SORCS3: variants seen among roughly 807,000 people sequenced by gnomAD.
SORCS3 encodes VPS10 domain-containing receptor SorCS3.
A neutral mutation model predicts 146.3 loss-of-function variants in SORCS3; 57 were observed. That is an observed-to-expected ratio of 0.39 (90% CI 0.31 to 0.49). The LOEUF is 0.49. Among genes scored for constraint, SORCS3 ranks in the 20% least tolerant of loss-of-function variants. The pLI, the probability that SORCS3 is intolerant of heterozygous loss-of-function variation, is 0.92. For synonymous variants in SORCS3, 653 were observed against 618.5 expected (o/e 1.06, Z -0.83); for missense variants, 1,341 against 1,575.5 (o/e 0.85, Z 2.52).
chr10:104,913,364 T>C (rs985015675), intron 2 of SORCS3, among the ~76,000 whole-genome samples: 1 of 152,166 alleles, frequency 6.6e-6, no homozygotes, highest in Non-Finnish European at 1.5e-5. Flanking sequence ...ATAGCATTAT[T>C]AAGACTTGAA....
At chr10:104,808,716 TTAAC>T (rs945204630) in intron 1 of SORCS3, among the ~76,000 whole-genome samples, 2 of 152,186 alleles carry the variant, frequency 1.3e-5, no homozygotes, top group Non-Finnish European at 2.9e-5. Flanking sequence ...TGAAGGTAAA[TTAAC>T]TAACATCTAC....
intron 2 of SORCS3, among the ~76,000 whole-genome samples, chr10:104,900,530 G>C (rs2018840963): frequency 6.6e-6 from 1 of 152,122 alleles, no homozygotes; most frequent in South Asian, 2.1e-4. Flanking sequence ...CTTCTTAGCA[G>C]ATATGTAGGA....
chr10:104,669,357 A>G (rs72813611), intron 1 of SORCS3, among the ~76,000 whole-genome samples: 16,141 of 152,190 alleles, frequency 0.11, 927 homozygotes, highest in Admixed American at 0.14. Context: ...AACGCTTTTC[A>G]TCTTGCAAAA....
chr10:104,910,519 G>A (rs180750009), intron 2 of SORCS3, among the ~76,000 whole-genome samples: 1 of 152,290 alleles, frequency 6.6e-6, no homozygotes, highest in Non-Finnish European at 1.5e-5. Flanking sequence ...ATGACCACTA[G>A]GTATGTAACA....
chr10:105,255,358 A>G (rs1456592681), intron 23 of SORCS3, among the ~76,000 whole-genome samples: 2 of 152,086 alleles, frequency 1.3e-5, no homozygotes, highest in East Asian at 3.9e-4. Flanking sequence ...GCATTAGGAG[A>G]TATACCTAAT....
chr10:104,977,538 A>G (rs904443452), intron 4 of SORCS3, 45 bp downstream of exon 4: 1 of 1,511,432 alleles, frequency 6.6e-7, no homozygotes, highest in Non-Finnish European at 8.9e-7. Context: ...TCCAGGTACC[A>G]CCATGTGAAA....
At chr10:105,013,258 G>T (rs904514844) in intron 4 of SORCS3, among the ~76,000 whole-genome samples, 5 of 151,936 alleles carry the variant, frequency 3.3e-5, no homozygotes, top group Non-Finnish European at 7.4e-5. Context: ...ACCTAATAAA[G>T]ATTATCCACC....
chr10:104,723,389 T>C (rs565236411), intron 1 of SORCS3, among the ~76,000 whole-genome samples: 106 of 152,338 alleles, frequency 7.0e-4, no homozygotes, highest in African/African-American at 2.5e-3. Flanking sequence ...GAGGAGTGTT[T>C]TACTTCCCAC....
chr10:104,966,940 T>G (rs2054829245), intron 3 of SORCS3, among the ~76,000 whole-genome samples: 1 of 151,242 alleles, frequency 6.6e-6, no homozygotes, highest in Non-Finnish European at 1.5e-5. Context: ...GGAATTTCCT[T>G]CAGAAAGCAT....
At chr10:104,815,070 G>A (rs1470231584) in intron 1 of SORCS3, among the ~76,000 whole-genome samples, 1 of 152,120 alleles carries the variant, frequency 6.6e-6, no homozygotes, top group Admixed American at 6.5e-5. Flanking sequence ...AAGACAAACA[G>A]CACTGATGGA....
intron 3 of SORCS3, among the ~76,000 whole-genome samples, chr10:104,967,228 G>A (rs921624492): frequency 5.3e-5 from 8 of 152,130 alleles, no homozygotes; most frequent in Admixed American, 2.0e-4. Context: ...TACTCTGGCC[G>A]TATTCATGTT....
intron 9 of SORCS3, among the ~76,000 whole-genome samples, chr10:105,156,482 T>C (rs1271563757): frequency 6.6e-6 from 1 of 152,138 alleles, no homozygotes; most frequent in Non-Finnish European, 1.5e-5. Context: ...TCTCAAAACA[T>C]GGGAACACTG....
At chr10:104,712,243 G>A (rs1229980170) in intron 1 of SORCS3, among the ~76,000 whole-genome samples, 4 of 152,120 alleles carry the variant, frequency 2.6e-5, no homozygotes, top group African/African-American at 9.7e-5. Flanking sequence ...GGTTCAGAAA[G>A]GTTCCTTGAC....
chr10:104,984,238 A>C (rs1397418414), intron 4 of SORCS3, among the ~76,000 whole-genome samples: 2 of 152,194 alleles, frequency 1.3e-5, no homozygotes, highest in African/African-American at 4.8e-5. Flanking sequence ...GACTAAACCA[A>C]ATACAAGAAT....
rs1235123117 is a variant in SORCS3 at position 104,977,416 on chromosome 10, C to T, written c.877C>T (p.Leu293Phe). The change falls in exon 4 of 27, where the codon CTC (leucine) becomes TTC (phenylalanine). Residue 293 changes from leucine to phenylalanine, a missense_variant. Leu to Phe is a conservative substitution (Grantham distance 22, BLOSUM62 0). Coordinates refer to ENST00000369701, the MANE Select transcript of SORCS3 (RefSeq NM_014978.3). The stretch of plus-strand genomic sequence containing the variant: ...AGGGGCGACCTATCAGAAGTATCGG[C>T]TCACCTTCTATATCCAGAGCCTGCT... ...DEGATYQKYR[L>F]TFYIQSLLFH... The T allele has an allele frequency of 1.9e-6, 3 of 1,613,874 alleles. No homozygotes were observed. Among genetic ancestry groups the T allele is most frequent in the Admixed American group, 3.3e-5 (2 of 60,022 alleles).
At chr10:104,781,266 G>T (rs1384435138) in intron 1 of SORCS3, among the ~76,000 whole-genome samples, 1 of 152,234 alleles carries the variant, frequency 6.6e-6, no homozygotes, top group Non-Finnish European at 1.5e-5. Flanking sequence ...CATATAGCTT[G>T]TAGGTAGAAG....
intron 1 of SORCS3, among the ~76,000 whole-genome samples, chr10:104,813,274 G>A (rs2451473): frequency 0.17 from 25,586 of 152,222 alleles, 2,508 homozygotes; most frequent in African/African-American, 0.27. Flanking sequence ...TGCTAAGGGT[G>A]TTTGTGACTT....
chr10:105,197,181 G>T (rs1420021396), intron 14 of SORCS3, among the ~76,000 whole-genome samples: 1 of 152,126 alleles, frequency 6.6e-6, no homozygotes, highest in Non-Finnish European at 1.5e-5. Context: ...CCCACATAAG[G>T]TCACATTCAT....
At chr10:104,901,713 C>T (rs1444612419) in intron 2 of SORCS3, among the ~76,000 whole-genome samples, 1 of 151,966 alleles carries the variant, frequency 6.6e-6, no homozygotes, top group Non-Finnish European at 1.5e-5. Flanking sequence ...TTTTTCAGCC[C>T]TTGGCTTTCA....
Sources: allele counts gnomAD v4.1 joint callset (sites outside exome capture counted in the v4.1 genomes callset), GRCh38; gene constraint gnomAD v4.1.1; transcripts MANE v1.5; gene names NCBI Gene and HGNC (gene_info 2026-07-23, HGNC 2026-07-21).